The following RAB22A variants were observed in gnomAD, a reference collection of about 807,000 sequenced individuals.
The protein encoded by RAB22A is ras-related protein Rab-22A.
A neutral mutation model predicts 30.2 loss-of-function variants in RAB22A; 13 were observed. The observed-to-expected ratio is 0.43, with a 90% CI of 0.28 to 0.68. RAB22A has a LOEUF of 0.68. Ranked by LOEUF, RAB22A falls within the 30% of genes least tolerant of loss-of-function variation. The pLI is 0.18. For missense variants in RAB22A, 177 were observed against 246.8 expected, an observed-to-expected ratio of 0.72 and a Z score of 1.89; for synonymous variants, 89 against 87.2, an observed-to-expected ratio of 1.02 and a Z score of -0.11.
intron 2 of RAB22A, among the ~76,000 whole-genome samples, chr20:58,324,048 T>G (rs796383561): frequency 5.9e-5 from 9 of 152,306 alleles, no homozygotes; most frequent in African/African-American, 2.2e-4. Context: ...AAATACTTTT[T>G]TATAATGTGC....
Position 58,359,864 on chromosome 20 carries a change from A to G in RAB22A, c.*161A>G, listed in dbSNP as rs2122975014. ...ACCAGTTCTGTTCTCCAAAGACTGC[A>G]GCAATGATATTTCAGTCTGTGAACT... is the stretch of plus-strand genomic sequence containing the variant. On this transcript the variant is annotated 3_prime_UTR_variant, in exon 7 of 7. Transcript: ENST00000244040. 1 of 509,434 alleles carries G rather than the reference A, an allele frequency of 2.0e-6. No individual in the cohort carries two copies. Among genetic ancestry groups the G allele is most frequent in the East Asian group, 3.4e-5 (1 of 29,332 alleles). The allele number at this position is 509,434 out of a possible 1,614,324, so 31.6% of individuals were successfully genotyped here.
At chr20:58,353,812 A>G (rs1987091949) in intron 5 of RAB22A, among the ~76,000 whole-genome samples, 1 of 152,190 alleles carries the variant, frequency 6.6e-6, no homozygotes. Flanking sequence ...CCAGGCTCCC[A>G]TGACTTAGAA....
chr20:58,317,912 G>A (rs1986376128), intron 2 of RAB22A, among the ~76,000 whole-genome samples: 1 of 152,086 alleles, frequency 6.6e-6, no homozygotes, highest in African/African-American at 2.4e-5. Context: ...CACCCAGGCT[G>A]AGGGACACTT....
chr20:58,328,626 C>A (rs1986608881), intron 2 of RAB22A, among the ~76,000 whole-genome samples: 1 of 152,130 alleles, frequency 6.6e-6, no homozygotes, highest in South Asian at 2.1e-4. Flanking sequence ...AAGATGATAA[C>A]ATTGTGTTGT....
intron 2 of RAB22A, among the ~76,000 whole-genome samples, chr20:58,312,472 CTTTTTTTTTTTTTTTTTTTTT>C (rs58198236): frequency 2.6e-5 from 1 of 38,710 alleles, no homozygotes; most frequent in Non-Finnish European, 4.4e-5. Flanking sequence ...GGCTGGTTTT[CTTTTTTTTTTTTTTTTTTTTT>C]TTTTTTTTTT....
chr20:58,329,916 G>T (rs1342223818), intron 2 of RAB22A, among the ~76,000 whole-genome samples: 1 of 152,134 alleles, frequency 6.6e-6, no homozygotes, highest in Non-Finnish European at 1.5e-5. Flanking sequence ...CACATCCAGG[G>T]GTTCCACCAA....
chr20:58,326,752 T>C (rs1035978748), intron 2 of RAB22A, among the ~76,000 whole-genome samples: 1 of 152,220 alleles, frequency 6.6e-6, no homozygotes, highest in Non-Finnish European at 1.5e-5. Context: ...CTTAGTATTA[T>C]TTACATACAC....
chr20:58,357,263 C>A (rs879383629), intron 6 of RAB22A, among the ~76,000 whole-genome samples: 1 of 152,202 alleles, frequency 6.6e-6, no homozygotes, highest in Non-Finnish European at 1.5e-5. Flanking sequence ...ATCTACATAT[C>A]CTCCTTTGTG....
At chr20:58,334,960 G>T (rs377623194) in intron 2 of RAB22A, among the ~76,000 whole-genome samples, 4 of 152,174 alleles carry the variant, frequency 2.6e-5, no homozygotes, top group African/African-American at 9.6e-5. Flanking sequence ...AAAAACACTT[G>T]TACAAAAATG....
At chr20:58,325,703 A>G (rs1986558430) in intron 2 of RAB22A, among the ~76,000 whole-genome samples, 1 of 152,224 alleles carries the variant, frequency 6.6e-6, no homozygotes, top group Non-Finnish European at 1.5e-5. Flanking sequence ...GTGAGAGAAC[A>G]TATTTTGTAT....
At chr20:58,357,569 A>G (rs183511124) in intron 6 of RAB22A, among the ~76,000 whole-genome samples, 56 of 152,032 alleles carry the variant, frequency 3.7e-4, no homozygotes, top group African/African-American at 1.2e-3. Context: ...TTCTCCTCTT[A>G]TTTCTTTTAA....
intron 2 of RAB22A, 122 bp from the exon 3 acceptor site, chr20:58,343,596 A>G (rs1223245748): frequency 1.2e-5 from 8 of 689,580 alleles, no homozygotes; most frequent in Non-Finnish European, 1.8e-5. Context: ...AGAGGAACAC[A>G]ATTAGGATAC....
intron 3 of RAB22A, among the ~76,000 whole-genome samples, chr20:58,350,345 A>G (rs1256551097): frequency 6.6e-6 from 1 of 152,274 alleles, no homozygotes; most frequent in East Asian, 1.9e-4. Context: ...TTGGAGAGCC[A>G]GGAGGAGCAA....
intron 2 of RAB22A, among the ~76,000 whole-genome samples, chr20:58,328,246 A>G (rs1436457155): frequency 6.6e-6 from 1 of 152,172 alleles, no homozygotes; most frequent in African/African-American, 2.4e-5. Flanking sequence ...CAGTGGTGTG[A>G]TCACAGCTCA....
chr20:58,333,059 A>G (rs1245289652), intron 2 of RAB22A, among the ~76,000 whole-genome samples: 2 of 152,030 alleles, frequency 1.3e-5, no homozygotes, highest in Non-Finnish European at 1.5e-5. Context: ...CAAGTGGATC[A>G]CCTGAGGTCA....
chr20:58,319,251 A>G lies in RAB22A; in HGVS notation c.116+8129A>G, dbSNP rs143757029. On this transcript the variant is annotated intron_variant, in intron 2 of 6. Coordinates refer to ENST00000244040, the MANE Select transcript of RAB22A (RefSeq NM_020673.3). ...AAAGTTCTAGAACAACATTGGACATATAGGACACACCAAAAAACAAAGCAT... is the reference window on the plus strand; with the variant it reads ...AAAGTTCTAGAACAACATTGGACATGTAGGACACACCAAAAAACAAAGCAT... Among the ~76,000 whole-genome samples the G allele has an allele frequency of 3.0e-3, 462 of 152,358 alleles. 8 individuals are homozygous for G. Among genetic ancestry groups the G allele is most frequent in the Admixed American group, 0.028 (427 of 15,308 alleles).
rs148684735 is a variant in RAB22A at position 58,359,666 on chromosome 20, G to A, written c.548G>A (p.Arg183Gln). 17 of 1,612,758 alleles carry A rather than the reference G, an allele frequency of 1.1e-5. No homozygotes were observed. The African/African-American group carries it at 1.3e-4, about 13-fold the overall frequency. ...LPSGGKGFKL[R>Q]RQPSEPKRSC... ...TCTGGCGGTAAGGGCTTCAAACTCC[G>A]AAGACAGCCTTCAGAGCCAAAGCGG... Residue 183 changes from arginine to glutamine, a missense_variant, in exon 7 of 7, where the codon CGA becomes CAA. Arg to Gln is a conservative substitution (Grantham distance 43, BLOSUM62 1). Coordinates refer to ENST00000244040, the MANE Select transcript of RAB22A (RefSeq NM_020673.3).
chr20:58,354,224 C>CA lies in RAB22A; in HGVS notation c.452dup (p.Asn151LysfsTer7). 1.2e-6 allele frequency: 2 copies of CA among 1,613,354 alleles called. No individual in the cohort carries two copies. Among genetic ancestry groups the CA allele is most frequent in the Non-Finnish European group, 1.7e-6 (2 of 1,179,622 alleles). ...CATGCAATTTTTGTAGAGACCAGCG[C>CA]AAAAAACGCGATAAACATAAATGAA... is the stretch of plus-strand genomic sequence containing the variant. On this transcript the variant is annotated frameshift_variant, in exon 6 of 7. Transcript: ENST00000244040. LOFTEE classifies it high-confidence loss of function.
At position 58,363,842 on chromosome 20, in the gene RAB22A, A is replaced by C. The variant is rs1987270730; in HGVS notation, c.*4139A>C. On this transcript the variant is annotated 3_prime_UTR_variant, in exon 7 of 7. Transcript: ENST00000244040. Reference sequence around the variant, plus strand: ...ACTCCTGCTGTGCTGTGATTTAAAAAAAAATAGTCTAAGAAACAAATTTAT... The same window carrying C: ...ACTCCTGCTGTGCTGTGATTTAAAACAAAATAGTCTAAGAAACAAATTTAT... 6.6e-6 allele frequency: 1 copy of C among 152,306 alleles called. No individual in the cohort carries two copies. The highest frequency in any genetic ancestry group is 1.9e-4 in the East Asian group (1 of 5,204). 9.4% of individuals were successfully genotyped at this position (152,306 alleles called of 1,614,324 possible).
Sources: allele counts gnomAD v4.1 joint callset (sites outside exome capture counted in the v4.1 genomes callset), GRCh38; gene constraint gnomAD v4.1.1; transcripts MANE v1.5; gene names NCBI Gene and HGNC (gene_info 2026-07-23, HGNC 2026-07-21).